HUNK: variants seen among roughly 807,000 people sequenced by gnomAD.
HUNK encodes the protein hormonally up-regulated Neu-associated kinase, also known as hormonally up-regulated neu tumor-associated kinase.
HUNK carries 21 observed loss-of-function variants against 61.0 expected under a neutral mutation model. The observed-to-expected ratio is 0.34, with a 90% CI of 0.24 to 0.50. The LOEUF is 0.50. Among genes scored for constraint, HUNK ranks in the 20% least tolerant of loss-of-function variants. The probability of loss-of-function intolerance (pLI) is 0.98; values close to 1 mark genes in which losing one functional copy is unlikely to be tolerated. For synonymous variants in HUNK, 371 were observed against 386.1 expected, an observed-to-expected ratio of 0.96 and a Z score of 0.46; for missense variants, 772 against 945.7, an observed-to-expected ratio of 0.82 and a Z score of 2.41.
chr21:31,883,164 G>A (rs914748008), intron 1 of HUNK, among the ~76,000 whole-genome samples: 3 of 151,910 alleles, frequency 2.0e-5, no homozygotes, highest in Admixed American at 6.6e-5. Context: ...CTGTTGATAA[G>A]TATTGCCAAA....
chr21:31,873,594 C>T lies in HUNK; in HGVS notation c.-81C>T. On this transcript the variant is annotated 5_prime_UTR_variant, in exon 1 of 11. Transcript: ENST00000270112. The surrounding 1 kb of genome is among the most constrained non-coding windows in gnomAD (Gnocchi z 6.1). ...GGGCCCAGGGCGGCGGCGGGAGAAGCCGGGGAAGCCGAAGAGCCTGGGGAG... is the reference window on the plus strand; with the variant it reads ...GGGCCCAGGGCGGCGGCGGGAGAAGTCGGGGAAGCCGAAGAGCCTGGGGAG... 2 of 967,448 alleles carry T rather than the reference C, an allele frequency of 2.1e-6. No homozygotes were observed. The highest frequency in any genetic ancestry group is 2.5e-6 in the Non-Finnish European group (2 of 813,226). 59.9% of individuals were successfully genotyped at this position (967,448 alleles called of 1,614,324 possible).
intron 1 of HUNK, among the ~76,000 whole-genome samples, chr21:31,896,016 A>G (rs9975376): frequency 0.13 from 20,078 of 152,214 alleles, 1,558 homozygotes; most frequent in East Asian, 0.37. Flanking sequence ...TATGCCTAGA[A>G]GAAGAGGAAA....
Position 31,873,888 on chromosome 21 carries a change from T to G in HUNK, c.214T>G (p.Ser72Ala), listed in dbSNP as rs766698607. The G allele has an allele frequency of 4.4e-6, 7 of 1,586,678 alleles. No individual in the cohort carries two copies. Among genetic ancestry groups the G allele is most frequent in the African/African-American group, 4.1e-5 (3 of 72,492 alleles). The change falls in exon 1 of 11, where the codon TCC becomes GCC. Residue 72 changes from serine to alanine, a missense_variant. By Grantham distance (99) the Ser-to-Ala change is moderately conservative. Coordinates refer to ENST00000270112, the MANE Select transcript of HUNK (RefSeq NM_014586.2). This position sits in a 1 kb window ranked among gnomAD's most constrained non-coding sequence, Gnocchi z 6.1. ...LIGSRKLGEG[S>A]FAKVREGLHV... ...CGGCAGCAGGAAGCTGGGCGAGGGC[T>G]CCTTTGCCAAGGTGCGCGAGGGGCT...
chr21:31,945,727 T>C (rs1226782673), intron 3 of HUNK, among the ~76,000 whole-genome samples: 1 of 152,122 alleles, frequency 6.6e-6, no homozygotes, highest in Non-Finnish European at 1.5e-5. Flanking sequence ...CTTTTTTTCC[T>C]GGATGACTCA....
chr21:31,958,285 A>ACTTTCTTTCTTTCTTT (rs370819225), intron 4 of HUNK, among the ~76,000 whole-genome samples: 11 of 149,110 alleles, frequency 7.4e-5, no homozygotes, highest in Admixed American at 4.7e-4. Context: ...CTCACCCAAG[A>ACTTTCTTTCTTTCTTT]CTTTCTTTCT....
At chr21:31,967,235 C>T (rs1330998137) in intron 5 of HUNK, among the ~76,000 whole-genome samples, 1 of 152,062 alleles carries the variant, frequency 6.6e-6, no homozygotes, top group Admixed American at 6.6e-5. Flanking sequence ...CCTGTAGTCT[C>T]ACCTACTTGG....
chr21:31,969,958 A>G (rs1326645344), intron 6 of HUNK, among the ~76,000 whole-genome samples: 1 of 152,176 alleles, frequency 6.6e-6, no homozygotes, highest in African/African-American at 2.4e-5. Context: ...GTTTTTGAGC[A>G]AACAAGGAAA....
chr21:31,990,517 CTTTATTTATTTA>C lies in HUNK; in HGVS notation c.1305+372_1305+383del, dbSNP rs3056170. 4.8e-4 allele frequency among the ~76,000 whole-genome samples: 69 copies of C among 142,938 alleles called. 1 individual carries two copies. Among genetic ancestry groups the C allele is most frequent in the East Asian group, 3.9e-3 (19 of 4,906 alleles). 93.8% of individuals were successfully genotyped at this position (142,938 alleles called of 152,430 possible). On this transcript the variant is annotated intron_variant, in intron 9 of 10. Transcript: ENST00000270112. ...AGTCTACTAATTTAAATGTTAATCA[CTTTATTTATTTA>C]TTTATTTATTTATTTATTTATTTAT...
At chr21:31,957,029 G>A (rs1160341649) in intron 4 of HUNK, among the ~76,000 whole-genome samples, 1 of 152,166 alleles carries the variant, frequency 6.6e-6, no homozygotes, top group African/African-American at 2.4e-5. Flanking sequence ...TCACACACAT[G>A]CAGTCACTAC....
intron 2 of HUNK, among the ~76,000 whole-genome samples, chr21:31,931,967 G>A (rs967890045): frequency 1.4e-4 from 22 of 152,060 alleles, no homozygotes; most frequent in African/African-American, 2.7e-4. Flanking sequence ...CAGGGTGCAC[G>A]CTGACACAGA....
chr21:31,939,428 G>A (rs1209421817), intron 2 of HUNK, among the ~76,000 whole-genome samples: 2 of 78,446 alleles, frequency 2.5e-5, no homozygotes, highest in East Asian at 3.9e-4. Flanking sequence ...TTTTTTTTGA[G>A]ATGGAGTTTC....
chr21:31,925,807 A>G, intron 2 of HUNK, among the ~76,000 whole-genome samples: 1 of 152,368 alleles, frequency 6.6e-6, no homozygotes, highest in East Asian at 1.9e-4. Flanking sequence ...AATTTAAAGA[A>G]ATAAAAGCTC....
chr21:31,912,432 G>C (rs2052552864), intron 1 of HUNK, among the ~76,000 whole-genome samples: 1 of 152,198 alleles, frequency 6.6e-6, no homozygotes, highest in African/African-American at 2.4e-5. Flanking sequence ...TTGTAGCCTA[G>C]TGAGTTACAG....
chr21:31,873,074 C>T lies in HUNK; in HGVS notation c.-601C>T, dbSNP rs915073791. Among the ~76,000 whole-genome samples, 1 of 152,174 alleles carries T rather than the reference C, an allele frequency of 6.6e-6. No homozygotes were observed. The highest frequency in any genetic ancestry group is 1.5e-5 in the Non-Finnish European group (1 of 68,020). The stretch of plus-strand genomic sequence containing the variant: ...GAGTGGAGCTCGCATCTGTTCCCGC[C>T]GCCCGCGAGCGGATTAAATTTCTGC... On this transcript the variant is annotated 5_prime_UTR_variant, in exon 1 of 11. Coordinates refer to ENST00000270112, the MANE Select transcript of HUNK (RefSeq NM_014586.2). The surrounding 1 kb of genome is among the most constrained non-coding windows in gnomAD (Gnocchi z 6.1).
At chr21:31,935,241 A>C (rs1344212008) in intron 2 of HUNK, among the ~76,000 whole-genome samples, 1 of 152,216 alleles carries the variant, frequency 6.6e-6, no homozygotes, top group Non-Finnish European at 1.5e-5. Context: ...CTGCTTTTAC[A>C]AAAATCTATA....
intron 9 of HUNK, among the ~76,000 whole-genome samples, chr21:31,994,015 C>T (rs995567424): frequency 2.0e-5 from 3 of 152,188 alleles, no homozygotes; most frequent in Admixed American, 6.5e-5. Context: ...GGAAAATCCG[C>T]GTTTCCACCG....
At chr21:31,918,996 C>A (rs12626407) in intron 1 of HUNK, among the ~76,000 whole-genome samples, 8,559 of 117,056 alleles carry the variant, frequency 0.073, 214 homozygotes, top group Non-Finnish European at 0.088. Context: ...AGGGGCTGGA[C>A]TGAGCGGTAT....
In HUNK at chr21:31,905,134, C is replaced by G. The variant is rs2052496452; in HGVS notation, c.262-19334C>G. 4.6e-5 allele frequency among the ~76,000 whole-genome samples: 7 copies of G among 151,580 alleles called. No homozygotes were observed. In the South Asian group the frequency reaches 1.5e-3, roughly 32 times the overall value. ...TGAGGTCCTGTGGGTGGGCCTCGAT[C>G]CAATCTAATTGGTGTCTTTATAAGA... On this transcript the variant is annotated intron_variant, in intron 1 of 10. Coordinates refer to ENST00000270112, the MANE Select transcript of HUNK (RefSeq NM_014586.2).
At chr21:31,990,209 G>T (rs765200790) in intron 9 of HUNK, 33 bp downstream of exon 9, 2 of 1,584,192 alleles carry the variant, frequency 1.3e-6, no homozygotes, top group Admixed American at 1.7e-5. Flanking sequence ...TGTTAGTCAG[G>T]GTTCTCCAGA....
Sources: allele counts gnomAD v4.1 joint callset (sites outside exome capture counted in the v4.1 genomes callset), GRCh38; gene constraint gnomAD v4.1.1; non-coding constraint Gnocchi (gnomAD v3.1); transcripts MANE v1.5; gene names NCBI Gene and HGNC (gene_info 2026-07-23, HGNC 2026-07-21).